ANKRD1: variants seen among roughly 807,000 people sequenced by gnomAD.
ANKRD1 encodes the protein ankyrin repeat domain 1.
A neutral mutation model predicts 40.1 loss-of-function variants in ANKRD1; 32 were observed. The observed-to-expected ratio is 0.80, with a 90% CI of 0.60 to 1.07. The LOEUF (loss-of-function observed/expected upper bound fraction) is 1.07. Ranked by LOEUF, ANKRD1 falls within the 50% of genes least tolerant of loss-of-function variation. The pLI, the probability that ANKRD1 is intolerant of heterozygous loss-of-function variation, is 0.00. For missense variants in ANKRD1, 359 were observed against 386.0 expected (o/e 0.93, Z 0.59); for synonymous variants, 149 against 141.2 (o/e 1.06, Z -0.39).
Position 90,915,777 on chromosome 10 carries a change from C to T in ANKRD1, c.750+5G>A, listed in dbSNP as rs761485473. ...TGGGAAACCCGAGCGTGTCCAGCTA[C>T]TCACTCTGTCTTTGGCGTTGAGGTC... is the stretch of plus-strand genomic sequence containing the variant. On this transcript the variant is annotated splice_donor_5th_base_variant and intron_variant, in intron 7 of 8. Transcript: ENST00000371697. The T allele has an allele frequency of 1.4e-5, 22 of 1,613,788 alleles. No individual in the cohort carries two copies. The highest frequency in any genetic ancestry group is 2.7e-5 in the African/African-American group (2 of 74,822).
At chr10:90,918,321 A>C (rs956968736) in intron 4 of ANKRD1, among the ~76,000 whole-genome samples, 6 of 152,182 alleles carry the variant, frequency 3.9e-5, no homozygotes, top group Non-Finnish European at 8.8e-5. Context: ...ATTTCTGATA[A>C]ATTGGCTTTA....
chr10:90,917,761 C>T lies in ANKRD1; in HGVS notation c.523G>A (p.Ala175Thr), dbSNP rs914206942. The change falls in exon 5 of 9, where the codon GCT becomes ACT. Residue 175 changes from alanine to threonine, a missense_variant. By Grantham distance (58) the Ala-to-Thr change is moderately conservative. Transcript: ENST00000371697. ...HLAIVEKLME[A>T]GAQIEFRDML... ...TCACGGAATTCGATCTGGGCTCCAGCTTCCATTAACTTCTCCACAATTGCC... is the reference window on the plus strand; with the variant it reads ...TCACGGAATTCGATCTGGGCTCCAGTTTCCATTAACTTCTCCACAATTGCC... The T allele has an allele frequency of 4.8e-5, 78 of 1,613,924 alleles. No individual in the cohort carries two copies. The highest frequency in any genetic ancestry group is 6.6e-5 in the Non-Finnish European group (78 of 1,179,938).
chr10:90,915,237 T>C (rs770659507), intron 8 of ANKRD1, among the ~76,000 whole-genome samples: 1 of 152,230 alleles, frequency 6.6e-6, no homozygotes, highest in Non-Finnish European at 1.5e-5. Context: ...CAGATTGGAC[T>C]TCTAGGTGTT....
rs1371594966 is a variant in ANKRD1, at chr10:90,916,011, T to C, written c.652-131A>G. The C allele has an allele frequency of 1.3e-5, 11 of 819,188 alleles. No individual in the cohort carries two copies. In the Admixed American group the frequency reaches 1.5e-4, roughly 11 times the overall value. 50.7% of individuals were successfully genotyped at this position (819,188 alleles called of 1,614,324 possible). A position where few individuals can be genotyped will look rare whatever the true frequency, so the allele number is the denominator to read the frequency against. ...CACAGCATGGGCCTCCAGATGACTT[T>C]AATGGAGAGGCGAGGTTAGGAGATG... On this transcript the variant is annotated intron_variant, in intron 6 of 8. Transcript: ENST00000371697.
At chr10:90,917,368 C>T (rs1014726543) in intron 5 of ANKRD1, among the ~76,000 whole-genome samples, 3 of 152,164 alleles carry the variant, frequency 2.0e-5, no homozygotes, top group African/African-American at 4.8e-5. Context: ...CTAGAGAATT[C>T]GTATATGTTG....
At chr10:90,914,279 A>G (rs78861272) in intron 8 of ANKRD1, among the ~76,000 whole-genome samples, 4,205 of 152,280 alleles carry the variant, frequency 0.028, 80 homozygotes, top group Non-Finnish European at 0.045. Flanking sequence ...TATCTAACTG[A>G]TAATTCAGAA....
chr10:90,919,098 T>C (rs376079208), intron 3 of ANKRD1, 33 bp downstream of exon 3: 1 of 1,611,668 alleles, frequency 6.2e-7, no homozygotes, highest in Non-Finnish European at 8.5e-7. Flanking sequence ...ACACTGGACA[T>C]GTATTACTGG....
chr10:90,913,116 GTT>G lies in ANKRD1; in HGVS notation c.850-142_850-141del, dbSNP rs1847335277. On this transcript the variant is annotated intron_variant, in intron 8 of 8. Coordinates refer to ENST00000371697, the MANE Select transcript of ANKRD1 (RefSeq NM_014391.3). Reference sequence around the variant, plus strand: ...TGGTTTCCACCAGGAGTGATCTGCAGTTTATACTCAAACCAGTCCTTCACTGT... The same window carrying G: ...TGGTTTCCACCAGGAGTGATCTGCAGTATACTCAAACCAGTCCTTCACTGT... 7 of 820,728 alleles carry G rather than the reference GTT, an allele frequency of 8.5e-6. No individual in the cohort carries two copies. In the Middle Eastern group the frequency reaches 6.6e-4, roughly 78 times the overall value. 50.8% of individuals were successfully genotyped at this position (820,728 alleles called of 1,614,324 possible).
Position 90,920,290 on chromosome 10 carries a change from C to A in ANKRD1, c.86G>T (p.Arg29Ile). The change falls in exon 2 of 9, where the codon AGA (arginine) becomes ATA (isoleucine). Residue 29 changes from arginine to isoleucine, a missense_variant. Transcript: ENST00000371697. ...EAGEFLPEDF[R>I]DGEYEAAVTL... The stretch of plus-strand genomic sequence containing the variant: ...AACAGCAGCTTCATACTCTCCATCT[C>A]TGAAATCCTCAGGAAGGAATTCCCC... The A allele has an allele frequency of 1.2e-6, 2 of 1,614,202 alleles. No individual in the cohort carries two copies. The highest frequency in any genetic ancestry group is 1.7e-6 in the Non-Finnish European group (2 of 1,180,016).
At chr10:90,917,382 G>T (rs1847383879) in intron 5 of ANKRD1, among the ~76,000 whole-genome samples, 1 of 152,132 alleles carries the variant, frequency 6.6e-6, no homozygotes, top group Admixed American at 6.5e-5. Flanking sequence ...TATGTTGCTG[G>T]CAGCCAACCA....
intron 8 of ANKRD1, 120 bp downstream of exon 8, chr10:90,915,423 G>T (rs1589508547): frequency 4.7e-6 from 4 of 844,334 alleles, no homozygotes; most frequent in Non-Finnish European, 7.8e-6. Context: ...ATGGGCAGGG[G>T]CATTTAGACC....
In ANKRD1 at chr10:90,912,884, A is replaced by G; in HGVS notation, c.942T>C (p.Ser314=). ...DSLRENSYKT[S]RIATF is the part of the protein sequence containing the mutation. Reference sequence around the variant, plus strand: ...GTTTGCCTCAGAATGTAGCTATGCGAGAGGTCTTGTAGGAGTTCTCTCTGA... The same window carrying G: ...GTTTGCCTCAGAATGTAGCTATGCGGGAGGTCTTGTAGGAGTTCTCTCTGA... Residue 314 remains serine (S), a synonymous_variant, in exon 9 of 9, where the codon TCT becomes TCC. Transcript: ENST00000371697. The G allele has an allele frequency of 6.2e-7, 1 of 1,613,994 alleles. No individual in the cohort carries two copies. Among genetic ancestry groups the G allele is most frequent in the Non-Finnish European group, 8.5e-7 (1 of 1,179,878 alleles).
chr10:90,920,949 A>G, intron 1 of ANKRD1, 52 bp downstream of exon 1: 1 of 1,573,540 alleles, frequency 6.4e-7, no homozygotes, highest in Non-Finnish European at 8.7e-7. Flanking sequence ...TTTTCAAATA[A>G]AAACCAAGAT....
intron 5 of ANKRD1, among the ~76,000 whole-genome samples, chr10:90,917,287 A>G (rs556112678): frequency 2.6e-4 from 39 of 152,298 alleles, no homozygotes; most frequent in African/African-American, 9.4e-4. Context: ...CATAGATGCA[A>G]TTCATTTCAT....
chr10:90,920,444 C>A, intron 1 of ANKRD1, 96 bp from the exon 2 acceptor site: 1 of 1,366,818 alleles, frequency 7.3e-7, no homozygotes, highest in Non-Finnish European at 1.0e-6. Context: ...TCCTTCTCCC[C>A]TGGGAACAGC....
intron 5 of ANKRD1, 28 bp downstream of exon 5, chr10:90,917,704 T>C: frequency 6.3e-7 from 1 of 1,594,928 alleles, no homozygotes; most frequent in Non-Finnish European, 8.6e-7. Context: ...TTCTTTTGGC[T>C]CATTCCCAAG....
At chr10:90,917,180 T>G (rs902615361) in intron 5 of ANKRD1, among the ~76,000 whole-genome samples, 5 of 152,216 alleles carry the variant, frequency 3.3e-5, no homozygotes, top group African/African-American at 1.2e-4. Context: ...TAAAGAATTT[T>G]CCCAGCTCAA....
In ANKRD1 at chr10:90,916,217, A is replaced by G; in HGVS notation, c.605T>C (p.Leu202Ser). The stretch of plus-strand genomic sequence containing the variant: ...TGCTCCTTTATTCAGCAACAATTTT[A>G]AAACATCCAGGTTTCCTCCACGGCT... Reference protein sequence around the residue: ...WASRGGNLDVLKLLLNKGAKI... With the variant: ...WASRGGNLDVSKLLLNKGAKI... The change falls in exon 6 of 9, where the codon TTA (leucine) becomes TCA (serine). Residue 202 changes from leucine to serine, a missense_variant. By Grantham distance (145) the Leu-to-Ser change is moderately radical. Coordinates refer to ENST00000371697, the MANE Select transcript of ANKRD1 (RefSeq NM_014391.3). 3 of 1,614,046 alleles carry G rather than the reference A, an allele frequency of 1.9e-6. No individual in the cohort carries two copies. The highest frequency in any genetic ancestry group is 2.5e-6 in the Non-Finnish European group (3 of 1,179,942).
chr10:90,919,744 G>A (rs1210507814), intron 2 of ANKRD1, among the ~76,000 whole-genome samples: 1 of 152,198 alleles, frequency 6.6e-6, no homozygotes, highest in Admixed American at 6.5e-5. Flanking sequence ...GCTAACTAAA[G>A]CAAATTTTAT....
Sources: allele counts gnomAD v4.1 joint callset (sites outside exome capture counted in the v4.1 genomes callset), GRCh38; gene constraint gnomAD v4.1.1; transcripts MANE v1.5; gene names NCBI Gene and HGNC (gene_info 2026-07-23, HGNC 2026-07-21).